The following KIAA0825 variants were observed in gnomAD, a reference collection of about 807,000 sequenced individuals.
KIAA0825 encodes the protein KIAA0825, also known as uncharacterized protein KIAA0825.
KIAA0825 carries 119 observed loss-of-function variants against 147.6 expected under a neutral mutation model. The observed-to-expected ratio is 0.81, with a 90% CI of 0.69 to 0.94. The LOEUF is 0.94. Among genes scored for constraint, KIAA0825 ranks in the 40% least tolerant of loss-of-function variants. The pLI, the probability that KIAA0825 is intolerant of heterozygous loss-of-function variation, is 0.00. For missense variants in KIAA0825, 1,381 were observed against 1,472.7 expected, an observed-to-expected ratio of 0.94 and a Z score of 1.02; for synonymous variants, 470 against 518.1, an observed-to-expected ratio of 0.91 and a Z score of 1.26.
intron 20 of KIAA0825, among the ~76,000 whole-genome samples, chr5:94,312,019 C>G (rs1271327293): frequency 6.6e-6 from 1 of 151,662 alleles, no homozygotes; most frequent in East Asian, 1.9e-4. Context: ...CCATTAGGCA[C>G]ATCTACTTTC....
chr5:94,603,437 A>G (rs569367974), intron 1 of KIAA0825, among the ~76,000 whole-genome samples: 102 of 152,332 alleles, frequency 6.7e-4, no homozygotes, highest in African/African-American at 2.3e-3. Flanking sequence ...ACTAAATGTA[A>G]AAAGGAAAAA....
At position 94,444,240 on chromosome 5, in the gene KIAA0825, CA is replaced by C. The variant is rs376059217; in HGVS notation, c.2358-4120del. Among the ~76,000 whole-genome samples, 452 of 152,186 alleles carry C rather than the reference CA, an allele frequency of 3.0e-3. 2 individuals carry two copies. Among genetic ancestry groups the C allele is most frequent in the African/African-American group, 0.01 (430 of 41,524 alleles). Reference sequence around the variant, plus strand: ...GGGATGGGGGTATACACACCTCTACCAGGGGGACCATTTAGGATCCCACTAA... The same window carrying C: ...GGGATGGGGGTATACACACCTCTACCGGGGGACCATTTAGGATCCCACTAA... On this transcript the variant is annotated intron_variant, in intron 13 of 20. Transcript: ENST00000682413.
chr5:94,551,336 G>A (rs962486363), intron 2 of KIAA0825, among the ~76,000 whole-genome samples: 20 of 152,032 alleles, frequency 1.3e-4, no homozygotes, highest in Non-Finnish European at 2.6e-4. Flanking sequence ...TCCTGGGAGA[G>A]ACGTGAACAT....
intron 15 of KIAA0825, among the ~76,000 whole-genome samples, chr5:94,412,613 A>G (rs1363468276): frequency 6.6e-6 from 1 of 151,782 alleles, no homozygotes; most frequent in Non-Finnish European, 1.5e-5. Context: ...GTTGGCCAGG[A>G]TGGTCTCGAT....
chr5:94,557,411 T>C (rs1358632111), intron 2 of KIAA0825, among the ~76,000 whole-genome samples: 1 of 151,814 alleles, frequency 6.6e-6, no homozygotes, highest in Non-Finnish European at 1.5e-5. Flanking sequence ...TCCTTTCTTT[T>C]TTTTTTTTTT....
chr5:94,334,151 G>T (rs1393268623), intron 20 of KIAA0825, among the ~76,000 whole-genome samples: 2 of 150,920 alleles, frequency 1.3e-5, no homozygotes, highest in Non-Finnish European at 2.9e-5. Context: ...AATGATAATA[G>T]TTAATGGTGA....
chr5:94,352,713 C>T (rs183858161), intron 20 of KIAA0825, among the ~76,000 whole-genome samples: 2 of 152,188 alleles, frequency 1.3e-5, no homozygotes, highest in Admixed American at 1.3e-4. Context: ...CTGTAGTATA[C>T]ATATATACAT....
intron 12 of KIAA0825, among the ~76,000 whole-genome samples, chr5:94,461,686 T>C (rs1295040666): frequency 3.9e-5 from 6 of 151,994 alleles, no homozygotes; most frequent in Non-Finnish European, 7.4e-5. Context: ...CAGAATGTTA[T>C]GCAAAGAAAC....
intron 20 of KIAA0825, among the ~76,000 whole-genome samples, chr5:94,323,360 G>T (rs1780378422): frequency 6.6e-6 from 1 of 151,812 alleles, no homozygotes. Context: ...AAAACATTTT[G>T]AAAGGATGTC....
chr5:94,511,162 C>T (rs896450897), intron 5 of KIAA0825, among the ~76,000 whole-genome samples: 4 of 152,124 alleles, frequency 2.6e-5, no homozygotes, highest in Non-Finnish European at 5.9e-5. Context: ...AAGCCTTCAC[C>T]AGACTTTAAT....
chr5:94,498,715 T>C lies in KIAA0825; in HGVS notation c.971-13785A>G, dbSNP rs1584691103. On this transcript the variant is annotated intron_variant, in intron 5 of 20. Transcript: ENST00000682413. ...CATTAATTATTTATAGGATAGCTCCTATGCGCCAGTCACAGTTTTCTCCAC... is the reference window on the plus strand; with the variant it reads ...CATTAATTATTTATAGGATAGCTCCCATGCGCCAGTCACAGTTTTCTCCAC... Among the ~76,000 whole-genome samples the C allele has an allele frequency of 3.9e-5, 6 of 152,216 alleles. No homozygotes were observed. The South Asian group carries it at 1.2e-3, about 31-fold the overall frequency.
intron 5 of KIAA0825, among the ~76,000 whole-genome samples, chr5:94,488,522 C>T (rs150374901): frequency 6.6e-5 from 10 of 151,762 alleles, no homozygotes; most frequent in South Asian, 2.1e-4. Flanking sequence ...AGTAAGCCCA[C>T]GTAAATAATG....
chr5:94,520,447 C>T lies in KIAA0825; in HGVS notation c.771G>A (p.Glu257=). 1 of 1,612,562 alleles carries T rather than the reference C, an allele frequency of 6.2e-7. No individual in the cohort carries two copies. Residue 257 remains glutamate (E), a synonymous_variant, in exon 5 of 21, where the codon GAG becomes GAA. Coordinates refer to ENST00000682413, the MANE Select transcript of KIAA0825 (RefSeq NM_001145678.3). The stretch of plus-strand genomic sequence containing the variant: ...AAATTTCACATAGTGTGTTAAAATC[C>T]TCTTTTATTACTGAGTATAACTTAA... The part of the protein sequence containing the change: ...TMLKLYSVIK[E]DFNTLCEILA...
At chr5:94,575,860 G>C (rs2152340829) in intron 2 of KIAA0825, among the ~76,000 whole-genome samples, 1 of 152,324 alleles carries the variant, frequency 6.6e-6, no homozygotes, top group East Asian at 1.9e-4. Flanking sequence ...GGATAGACCA[G>C]AGTAGAAAGA....
intron 1 of KIAA0825, among the ~76,000 whole-genome samples, chr5:94,589,135 A>G (rs1227311376): frequency 6.6e-6 from 1 of 152,194 alleles, no homozygotes; most frequent in East Asian, 1.9e-4. Flanking sequence ...GTGCACATGT[A>G]CCCTAGAACT....
At chr5:94,578,421 A>C (rs1162350278) in intron 2 of KIAA0825, among the ~76,000 whole-genome samples, 1 of 152,226 alleles carries the variant, frequency 6.6e-6, no homozygotes, top group Non-Finnish European at 1.5e-5. Context: ...TGTCTCCAGA[A>C]TCTACATTCA....
rs1015552532 is a variant in KIAA0825, at chr5:94,563,289, C to T, written c.-2+19144G>A. 2.0e-5 allele frequency among the ~76,000 whole-genome samples: 3 copies of T among 151,066 alleles called. No homozygotes were observed. In the South Asian group the frequency reaches 6.2e-4, roughly 31 times the overall value. On this transcript the variant is annotated intron_variant, in intron 2 of 20. Transcript: ENST00000682413. ...CAGGGAATGGCGTGAACCCAGGAGG[C>T]GGAGCTTGCAGTGAGCCGTGATCGC...
chr5:94,256,103 T>C (rs1192247520), intron 20 of KIAA0825, among the ~76,000 whole-genome samples: 1 of 152,092 alleles, frequency 6.6e-6, no homozygotes, highest in Non-Finnish European at 1.5e-5. Context: ...TAGTGAAGGA[T>C]GAAGTCAAGG....
In KIAA0825 at chr5:94,603,129, G is replaced by A. The variant is rs149648174; in HGVS notation, c.-153+15371C>T. Among the ~76,000 whole-genome samples, 135 of 151,798 alleles carry A rather than the reference G, an allele frequency of 8.9e-4. 1 individual carries two copies. The highest frequency in any genetic ancestry group is 2.5e-3 in the South Asian group (12 of 4,814). Reference sequence around the variant, plus strand: ...GGTGTGAGCCACTGCATCTGGCCTCGGGTATGTCCTTATAGCAGCATGAAA... The same window carrying A: ...GGTGTGAGCCACTGCATCTGGCCTCAGGTATGTCCTTATAGCAGCATGAAA... On this transcript the variant is annotated intron_variant, in intron 1 of 20. Coordinates refer to ENST00000682413, the MANE Select transcript of KIAA0825 (RefSeq NM_001145678.3).
Sources: allele counts gnomAD v4.1 joint callset (sites outside exome capture counted in the v4.1 genomes callset), GRCh38; gene constraint gnomAD v4.1.1; transcripts MANE v1.5; gene names NCBI Gene and HGNC (gene_info 2026-07-23, HGNC 2026-07-21).